Variants in KIR3DL3 observed in about 807,000 individuals in gnomAD.
KIR3DL3 encodes the protein killer cell immunoglobulin-like receptor 3DL3.
Under a neutral mutation model 34.9 loss-of-function variants are expected in KIR3DL3, and 27 were observed. That is an observed-to-expected ratio of 0.77 (90% CI 0.57 to 1.07). The LOEUF is 1.07. Ranked by LOEUF, KIR3DL3 falls within the 50% of genes least tolerant of loss-of-function variation. The pLI is 0.00. For synonymous variants in KIR3DL3, 217 were observed against 200.2 expected, an observed-to-expected ratio of 1.08 and a Z score of -0.71; for missense variants, 681 against 528.5, an observed-to-expected ratio of 1.29 and a Z score of -2.83.
Position 54,732,916 on chromosome 19 carries a change from G to C in KIR3DL3, c.950-2337G>C, listed in dbSNP as rs1344593390. Among the ~76,000 whole-genome samples, 15 of 152,216 alleles carry C rather than the reference G, an allele frequency of 9.9e-5. No homozygotes were observed. The East Asian group carries it at 2.7e-3, about 27-fold the overall frequency. Reference sequence around the variant, plus strand: ...CAGAGCTAACTAGGAATCCCTACCTGATTAACAGTGACCGACATGAAAATA... The same window carrying C: ...CAGAGCTAACTAGGAATCCCTACCTCATTAACAGTGACCGACATGAAAATA... On this transcript the variant is annotated intron_variant, in intron 5 of 7. Transcript: ENST00000291860.
At position 54,727,868 on chromosome 19, in the gene KIR3DL3, G is replaced by C; in HGVS notation, c.613G>C (p.Glu205Gln). ...TGGTTCTGTCACTCACTTACCCTAT[G>C]AGTTGTCGGCTCCCAGTGACCCTCT... ...CFGSVTHLPY[E>Q]LSAPSDPLDI... The change falls in exon 4 of 8, where the codon GAG becomes CAG. Residue 205 changes from glutamate to glutamine, a missense_variant. By Grantham distance (29) the Glu-to-Gln change is conservative (BLOSUM62 2). Transcript: ENST00000291860. 2 of 1,613,706 alleles carry C rather than the reference G, an allele frequency of 1.2e-6. No homozygotes were observed. Among genetic ancestry groups the C allele is most frequent in the Non-Finnish European group, 1.7e-6 (2 of 1,179,708 alleles).
chr19:54,734,607 T>C (rs1391848520), intron 5 of KIR3DL3, among the ~76,000 whole-genome samples: 2 of 149,272 alleles, frequency 1.3e-5, no homozygotes, highest in Non-Finnish European at 3.0e-5. Flanking sequence ...ATGTTCCTCC[T>C]GATCTCAGGA....
intron 5 of KIR3DL3, among the ~76,000 whole-genome samples, chr19:54,732,411 C>T (rs1469631867): frequency 2.8e-5 from 3 of 107,378 alleles, no homozygotes; most frequent in Non-Finnish European, 3.7e-5. Context: ...CCACCACACT[C>T]GGCTAATTTT....
intron 6 of KIR3DL3, 80 bp from the exon 7 acceptor site, chr19:54,735,740 C>A: frequency 3.3e-6 from 5 of 1,515,074 alleles, no homozygotes; most frequent in Non-Finnish European, 4.5e-6. Context: ...ATGGCCTCCC[C>A]CTGTATGTTG....
chr19:54,729,968 G>T (rs1406306098), intron 5 of KIR3DL3, among the ~76,000 whole-genome samples, 182 bp downstream of exon 5: 1 of 148,044 alleles, frequency 6.8e-6, no homozygotes, highest in Non-Finnish European at 1.5e-5. Flanking sequence ...TGTATGGCCT[G>T]CAAGGATGCC....
intron 5 of KIR3DL3, 29 bp from the exon 6 acceptor site, chr19:54,735,224 C>T: frequency 2.1e-6 from 3 of 1,423,424 alleles, no homozygotes; most frequent in South Asian, 1.2e-5. Flanking sequence ...CTATGATTAG[C>T]TTCTTATTGG....
chr19:54,735,792 C>T, intron 6 of KIR3DL3, 28 bp from the exon 7 acceptor site: 1 of 1,607,302 alleles, frequency 6.2e-7, no homozygotes, highest in Non-Finnish European at 8.5e-7. Context: ...GCCCTCCGAG[C>T]TGTTTTGACG....
Position 54,729,613 on chromosome 19 carries a change from C to A in KIR3DL3, c.776C>A (p.Ala259Glu), listed in dbSNP as rs1266989370. Residue 259 changes from alanine (A) to glutamate (E), a missense_variant, in exon 5 of 8, where the codon GCG (alanine) becomes GAG (glutamate). By Grantham distance (107) the Ala-to-Glu change is moderately radical (BLOSUM62 -1). Coordinates refer to ENST00000291860, the MANE Select transcript of KIR3DL3 (RefSeq NM_153443.5). ...GACATTTACCATCTATCCAGGGAGG[C>A]GGAGGCCGGTGAACTTAGGCTCACT... is the stretch of plus-strand genomic sequence containing the variant. ...LFDIYHLSRE[A>E]EAGELRLTAV... The A allele has an allele frequency of 2.5e-6, 4 of 1,595,308 alleles. No individual in the cohort carries two copies. Among genetic ancestry groups the A allele is most frequent in the Non-Finnish European group, 2.6e-6 (3 of 1,174,138 alleles).
intron 4 of KIR3DL3, 77 bp downstream of exon 4, chr19:54,727,987 T>C (rs1291804341): frequency 1.4e-6 from 2 of 1,432,354 alleles, no homozygotes; most frequent in African/African-American, 1.4e-5. Context: ...CCCCAGGTGG[T>C]CATGAGGAAG....
Position 54,726,187 on chromosome 19 carries a change from C to G in KIR3DL3, c.205C>G (p.Pro69Ala), listed in dbSNP as rs1253378973. 2.5e-6 allele frequency: 4 copies of G among 1,613,386 alleles called. No individual in the cohort carries two copies. Among genetic ancestry groups the G allele is most frequent in the Middle Eastern group, 1.6e-4 (1 of 6,084 alleles). The change falls in exon 3 of 8, where the codon CCT (proline) becomes GCT (alanine). Residue 69 changes from proline to alanine, a missense_variant. Pro to Ala is a conservative substitution (Grantham distance 27). Transcript: ENST00000291860. ...GTCCAAAGAAGACGGGATGCCTGTCCCTGAGCTCTACAACAGAATATTCCG... is the reference window on the plus strand; with the variant it reads ...GTCCAAAGAAGACGGGATGCCTGTCGCTGAGCTCTACAACAGAATATTCCG... ...SLSKEDGMPV[P>A]ELYNRIFRNS...
At position 54,735,971 on chromosome 19, in the gene KIR3DL3, G is replaced by C; in HGVS notation, c.1108G>C (p.Asp370His). Reference sequence around the variant, plus strand: ...TCACTCAGCATTTCCCTCCCTCCAGGACTCTGATGAACAAGACCCTCAGGA... The same window carrying C: ...TCACTCAGCATTTCCCTCCCTCCAGCACTCTGATGAACAAGACCCTCAGGA... ...PAGNRTVNREDSDEQDPQEVT... is the reference protein window; with the variant it reads ...PAGNRTVNREHSDEQDPQEVT... The change falls in exon 8 of 8, where the codon GAC (aspartate) becomes CAC (histidine). Residue 370 changes from aspartate to histidine, a missense_variant and splice_region_variant. By Grantham distance (81) the Asp-to-His change is moderately conservative. Transcript: ENST00000291860. 12 of 1,612,534 alleles carry C rather than the reference G, an allele frequency of 7.4e-6. No individual in the cohort carries two copies. Among genetic ancestry groups the C allele is most frequent in the Non-Finnish European group, 1.0e-5 (12 of 1,179,778 alleles).
At chr19:54,725,538 C>G (rs1324632510) in intron 2 of KIR3DL3, among the ~76,000 whole-genome samples, 7 of 152,066 alleles carry the variant, frequency 4.6e-5, no homozygotes, top group Non-Finnish European at 8.8e-5. Flanking sequence ...GAGTGGTGTG[C>G]AGGGAGGAAG....
intron 6 of KIR3DL3, 85 bp from the exon 7 acceptor site, chr19:54,735,735 C>G: frequency 4.0e-6 from 6 of 1,494,022 alleles, no homozygotes; most frequent in Non-Finnish European, 5.5e-6. Flanking sequence ...CACCTATGGC[C>G]TCCCCCTGTA....
chr19:54,732,399 C>T (rs2068911690), intron 5 of KIR3DL3, among the ~76,000 whole-genome samples: 2 of 145,968 alleles, frequency 1.4e-5, no homozygotes, highest in South Asian at 2.3e-4. Context: ...TACAGCTGTG[C>T]GCCACCACAC....
At chr19:54,729,423 T>C in intron 4 of KIR3DL3, 70 bp from the exon 5 acceptor site, 1 of 1,348,422 alleles carries the variant, frequency 7.4e-7, no homozygotes, top group Non-Finnish European at 1.0e-6. Context: ...GAGTGAGTTC[T>C]CAGCTCAGGT....
chr19:54,725,359 C>G lies in KIR3DL3; in HGVS notation c.70+77C>G. ...CTCCTGAAACGGGAGGCAGGCGACA[C>G]AGGGGGTTGACTGATGGGCTGACCA... is the stretch of plus-strand genomic sequence containing the variant. On this transcript the variant is annotated intron_variant, in intron 2 of 7. Coordinates refer to ENST00000291860, the MANE Select transcript of KIR3DL3 (RefSeq NM_153443.5). The G allele has an allele frequency of 1.8e-6, 2 of 1,122,998 alleles. 1 individual carries two copies. The highest frequency in any genetic ancestry group is 2.5e-6 in the Non-Finnish European group (2 of 801,830). 69.6% of individuals were successfully genotyped at this position (1,122,998 alleles called of 1,614,324 possible).
intron 5 of KIR3DL3, among the ~76,000 whole-genome samples, chr19:54,731,951 A>C (rs2068842011): frequency 6.6e-6 from 1 of 152,136 alleles, no homozygotes; most frequent in African/African-American, 2.4e-5. Context: ...CCCTCTTTTT[A>C]AGTTCAGCTG....
chr19:54,735,924 T>C (rs749079176), intron 7 of KIR3DL3, 47 bp from the exon 8 acceptor site: 5 of 1,605,314 alleles, frequency 3.1e-6, no homozygotes, highest in Non-Finnish European at 3.4e-6. Flanking sequence ...CAAAGAGTCC[T>C]GGAAAATGTG....
At chr19:54,725,370 C>T (rs920317565) in intron 2 of KIR3DL3, 88 bp downstream of exon 2, 3 of 988,588 alleles carry the variant, frequency 3.0e-6, no homozygotes, top group Admixed American at 2.4e-5. Flanking sequence ...AGGGGGTTGA[C>T]TGATGGGCTG....
Sources: allele counts gnomAD v4.1 joint callset (sites outside exome capture counted in the v4.1 genomes callset), GRCh38; gene constraint gnomAD v4.1.1; transcripts MANE v1.5; gene names NCBI Gene and HGNC (gene_info 2026-07-23, HGNC 2026-07-21).